Variants in CAP2 observed in about 807,000 individuals in gnomAD.
CAP2 encodes adenylyl cyclase-associated protein 2.
A neutral mutation model predicts 57.7 loss-of-function variants in CAP2; 24 were observed. The ratio of observed to expected loss-of-function variants is 0.42; its 90% CI spans 0.30 to 0.58. The LOEUF is 0.58. Among genes scored for constraint, CAP2 ranks in the 20% least tolerant of loss-of-function variants. The probability of loss-of-function intolerance (pLI) is 0.22; values close to 1 mark genes in which losing one functional copy is unlikely to be tolerated. For synonymous variants in CAP2, 194 were observed against 207.2 expected (o/e 0.94, Z 0.55); for missense variants, 501 against 590.3 (o/e 0.85, Z 1.57).
At chr6:17,507,399 C>T in intron 5 of CAP2, 87 bp downstream of exon 5, 1 of 1,368,304 alleles carries the variant, frequency 7.3e-7, no homozygotes, top group Non-Finnish European at 1.0e-6. Context: ...CTTCACGCTC[C>T]TTGCACTGAA....
intron 3 of CAP2, among the ~76,000 whole-genome samples, chr6:17,461,844 T>A (rs1397526620): frequency 6.7e-6 from 1 of 148,952 alleles, no homozygotes; most frequent in Non-Finnish European, 1.5e-5. Context: ...TACAAAAAAA[T>A]TAGCCAGGCG....
intron 1 of CAP2, among the ~76,000 whole-genome samples, 192 bp downstream of exon 1, chr6:17,393,938 C>A (rs1031394139): frequency 6.8e-6 from 1 of 146,732 alleles, no homozygotes; most frequent in Non-Finnish European, 1.5e-5. Flanking sequence ...GCGCGGCGAC[C>A]CGGGCGCGGG....
intron 7 of CAP2, among the ~76,000 whole-genome samples, chr6:17,535,300 A>G (rs1762746758): frequency 1.4e-5 from 2 of 147,958 alleles, no homozygotes; most frequent in East Asian, 3.9e-4. Flanking sequence ...TTGAGATGGA[A>G]TCTCACTCTT....
chr6:17,548,298 C>T (rs1217352303), intron 11 of CAP2, among the ~76,000 whole-genome samples: 2 of 150,818 alleles, frequency 1.3e-5, no homozygotes, highest in Non-Finnish European at 2.9e-5. Flanking sequence ...ACCTGGGAGG[C>T]GGAGGTTGCA....
At chr6:17,516,348 C>T (rs1762274294) in intron 7 of CAP2, among the ~76,000 whole-genome samples, 1 of 152,182 alleles carries the variant, frequency 6.6e-6, no homozygotes, top group Admixed American at 6.6e-5. Flanking sequence ...ACTAAATGAT[C>T]ATGAGGGGAC....
Position 17,486,499 on chromosome 6 carries a change from G to A in CAP2, c.301-20670G>A, listed in dbSNP as rs146735231. On this transcript the variant is annotated intron_variant, in intron 4 of 12. Transcript: ENST00000229922. ...CGTGCACCTGTAGTCCCAGCTACTCGGGAGGCTGAGGTGGGAGGATCACTG... is the reference window on the plus strand; with the variant it reads ...CGTGCACCTGTAGTCCCAGCTACTCAGGAGGCTGAGGTGGGAGGATCACTG... Among the ~76,000 whole-genome samples the A allele has an allele frequency of 3.1e-3, 465 of 152,214 alleles. 3 individuals carry two copies. Among genetic ancestry groups the A allele is most frequent in the African/African-American group, 0.01 (426 of 41,540 alleles).
At chr6:17,436,932 G>C (rs1219026159) in intron 3 of CAP2, among the ~76,000 whole-genome samples, 1 of 152,100 alleles carries the variant, frequency 6.6e-6, no homozygotes, top group Non-Finnish European at 1.5e-5. Context: ...GATTCTCAGA[G>C]GAGCATAAAC....
chr6:17,408,458 A>C (rs1053085063), intron 1 of CAP2, among the ~76,000 whole-genome samples: 3 of 152,030 alleles, frequency 2.0e-5, no homozygotes, highest in African/African-American at 7.2e-5. Context: ...CATGACCCAA[A>C]CACCTTCCAC....
At chr6:17,527,882 C>T (rs1411827685) in intron 7 of CAP2, among the ~76,000 whole-genome samples, 2 of 152,164 alleles carry the variant, frequency 1.3e-5, no homozygotes, top group Non-Finnish European at 2.9e-5. Flanking sequence ...GGATTACAGG[C>T]GTGAGCCACT....
At chr6:17,538,878 G>A (rs936033905) in intron 7 of CAP2, among the ~76,000 whole-genome samples, 1 of 152,188 alleles carries the variant, frequency 6.6e-6, no homozygotes, top group African/African-American at 2.4e-5. Flanking sequence ...AGTTTCCAGT[G>A]TCTCAAAAGA....
Position 17,513,871 on chromosome 6 carries a change from G to A in CAP2, c.553G>A (p.Val185Met). The change falls in exon 7 of 13, where the codon GTG (valine) becomes ATG (methionine). Residue 185 changes from valine (V) to methionine (M), a missense_variant. Physicochemically the swap from Val to Met is conservative, Grantham distance 21. Coordinates refer to ENST00000229922, the MANE Select transcript of CAP2 (RefSeq NM_006366.3). This position sits in a 1 kb window ranked among gnomAD's most constrained non-coding sequence, Gnocchi z 4.3. ...AAGTGATTTGCGTCATGTGGATTGG[G>A]TGAAGTCATATTTGAACATTTGGAG... Reference protein sequence around the residue: ...KHSDLRHVDWVKSYLNIWSEL... With the variant: ...KHSDLRHVDWMKSYLNIWSEL... 1 of 1,612,108 alleles carries A rather than the reference G, an allele frequency of 6.2e-7. No individual in the cohort carries two copies. Among genetic ancestry groups the A allele is most frequent in the Middle Eastern group, 1.7e-4 (1 of 6,060 alleles).
chr6:17,430,927 G>A (rs1759711619), intron 3 of CAP2, among the ~76,000 whole-genome samples: 1 of 152,146 alleles, frequency 6.6e-6, no homozygotes, highest in Admixed American at 6.5e-5. Flanking sequence ...GTGACAAATA[G>A]GAAGCAACTG....
intron 1 of CAP2, among the ~76,000 whole-genome samples, chr6:17,415,941 T>C (rs1265283140): frequency 6.6e-6 from 1 of 151,768 alleles, no homozygotes; most frequent in African/African-American, 2.4e-5. Context: ...ACAAGATGGG[T>C]TGGGTGAAGA....
Position 17,426,663 on chromosome 6 carries a change from G to C in CAP2, c.195G>C (p.Arg65Ser). The C allele has an allele frequency of 8.7e-6, 14 of 1,613,898 alleles. No homozygotes were observed. The highest frequency in any genetic ancestry group is 1.2e-5 in the Non-Finnish European group (14 of 1,179,806). ...SMVAEFLKNS[R>S]ILAGDVETHA... ...TGGCCGAGTTTTTAAAGAACAGTAG[G>C]ATCCTTGCTGGGGACGTGGAGACCC... Residue 65 changes from arginine (R) to serine (S), a missense_variant, in exon 3 of 13, where the codon AGG becomes AGC. Transcript: ENST00000229922.
At chr6:17,466,090 A>G (rs1760857179) in intron 4 of CAP2, among the ~76,000 whole-genome samples, 1 of 152,230 alleles carries the variant, frequency 6.6e-6, no homozygotes, top group South Asian at 2.1e-4. Flanking sequence ...TGGTGAAAAC[A>G]GTCTATGGCC....
At chr6:17,410,392 A>C (rs1331087840) in intron 1 of CAP2, among the ~76,000 whole-genome samples, 1 of 152,172 alleles carries the variant, frequency 6.6e-6, no homozygotes, top group Non-Finnish European at 1.5e-5. Context: ...CCTCTCCCCC[A>C]GTGATTCTTA....
intron 11 of CAP2, among the ~76,000 whole-genome samples, chr6:17,551,134 T>C (rs978430946): frequency 1.1e-4 from 17 of 152,254 alleles, no homozygotes; most frequent in Non-Finnish European, 2.1e-4. Context: ...TGAAATCAAA[T>C]ACATGTTTTG....
At chr6:17,516,809 A>G (rs1762282484) in intron 7 of CAP2, among the ~76,000 whole-genome samples, 1 of 152,158 alleles carries the variant, frequency 6.6e-6, no homozygotes, top group Admixed American at 6.6e-5. Flanking sequence ...GGGGCCTTCT[A>G]CATTTGTTTT....
At chr6:17,527,856 G>A (rs1417405657) in intron 7 of CAP2, among the ~76,000 whole-genome samples, 2 of 152,108 alleles carry the variant, frequency 1.3e-5, no homozygotes, top group African/African-American at 4.8e-5. Context: ...ACCTGCCTTG[G>A]CCTCCCAAAG....
Sources: allele counts gnomAD v4.1 joint callset (sites outside exome capture counted in the v4.1 genomes callset), GRCh38; gene constraint gnomAD v4.1.1; non-coding constraint Gnocchi (gnomAD v3.1); transcripts MANE v1.5; gene names NCBI Gene and HGNC (gene_info 2026-07-23, HGNC 2026-07-21).